DPYD: variants seen among roughly 807,000 people sequenced by gnomAD.
The protein encoded by DPYD is dihydropyrimidine dehydrogenase, also known as dihydropyrimidine dehydrogenase [NADP(+)].
DPYD carries 109 observed loss-of-function variants against 116.2 expected under a neutral mutation model. The observed-to-expected ratio is 0.94, with a 90% CI of 0.80 to 1.10. DPYD has a LOEUF of 1.10. Among genes scored for constraint, DPYD ranks in the 50% least tolerant of loss-of-function variants. The pLI is 0.00. For missense variants in DPYD, 1,302 were observed against 1,254.5 expected (o/e 1.04, Z -0.57); for synonymous variants, 440 against 432.0 (o/e 1.02, Z -0.23).
chr1:97,810,055 C>T (rs11165914), intron 3 of DPYD, among the ~76,000 whole-genome samples: 2 of 151,788 alleles, frequency 1.3e-5, no homozygotes, highest in Non-Finnish European at 2.9e-5. Context: ...GGGAGGCCGA[C>T]GCGGGTGGAT....
intron 12 of DPYD, among the ~76,000 whole-genome samples, chr1:97,516,421 T>C (rs1276853340): frequency 6.6e-6 from 1 of 152,006 alleles, no homozygotes. Flanking sequence ...TAGTTTTCAG[T>C]ATAGCAGCAG....
At chr1:97,609,697 T>C (rs757920229) in intron 8 of DPYD, among the ~76,000 whole-genome samples, 3 of 152,088 alleles carry the variant, frequency 2.0e-5, no homozygotes, top group Non-Finnish European at 4.4e-5. Flanking sequence ...TCATAAAATA[T>C]ACTTTAGGGC....
At chr1:97,170,500 A>G (rs1043073415) in intron 20 of DPYD, among the ~76,000 whole-genome samples, 6 of 152,150 alleles carry the variant, frequency 3.9e-5, no homozygotes, top group Non-Finnish European at 5.9e-5. Flanking sequence ...CCAGGCAACC[A>G]TACACATCTA....
At chr1:97,247,533 A>G (rs1200055222) in intron 18 of DPYD, among the ~76,000 whole-genome samples, 1 of 152,190 alleles carries the variant, frequency 6.6e-6, no homozygotes, top group African/African-American at 2.4e-5. Flanking sequence ...TGGATGATAA[A>G]AACTAGTAGT....
At chr1:97,803,394 T>A (rs1180729605) in intron 3 of DPYD, among the ~76,000 whole-genome samples, 1 of 151,940 alleles carries the variant, frequency 6.6e-6, no homozygotes, top group East Asian at 1.9e-4. Context: ...TATTCCTGAA[T>A]TATCATTTGT....
intron 1 of DPYD, among the ~76,000 whole-genome samples, chr1:97,902,739 ATTTC>A (rs985650500): frequency 1.3e-5 from 2 of 151,834 alleles, no homozygotes; most frequent in Non-Finnish European, 2.9e-5. Flanking sequence ...TTCTAATGAG[ATTTC>A]TTTATTATTT....
At chr1:97,342,272 C>T (rs945075529) in intron 16 of DPYD, among the ~76,000 whole-genome samples, 1 of 152,104 alleles carries the variant, frequency 6.6e-6, no homozygotes, top group Non-Finnish European at 1.5e-5. Context: ...CTCCTGTATT[C>T]TTGTAGTATT....
chr1:97,866,411 C>T (rs540499253), intron 2 of DPYD, among the ~76,000 whole-genome samples: 12 of 152,016 alleles, frequency 7.9e-5, no homozygotes, highest in African/African-American at 2.9e-4. Context: ...ATGTGAACTT[C>T]AATTTTTATA....
At chr1:97,081,717 CT>C (rs371355751) in intron 22 of DPYD, among the ~76,000 whole-genome samples, 20,251 of 136,052 alleles carry the variant, frequency 0.15, 1,413 homozygotes, top group Non-Finnish European at 0.17. Context: ...CTTTTCTTTT[CT>C]TTTTTTTTTT....
intron 14 of DPYD, among the ~76,000 whole-genome samples, chr1:97,439,772 C>A (rs567305922): frequency 6.6e-6 from 1 of 151,914 alleles, no homozygotes; most frequent in African/African-American, 2.4e-5. Context: ...GTTCAATCTG[C>A]TCTTTTTTTA....
At chr1:97,702,203 G>A (rs1440039758) in intron 5 of DPYD, among the ~76,000 whole-genome samples, 1 of 150,552 alleles carries the variant, frequency 6.6e-6, no homozygotes, top group African/African-American at 2.4e-5. Context: ...CCAAAGAAAG[G>A]TTTCACATAC....
chr1:97,796,959 C>G (rs1162439293), intron 3 of DPYD: 1 of 152,098 alleles, frequency 6.6e-6, no homozygotes, highest in African/African-American at 2.4e-5. Context: ...AAGCTTCTAT[C>G]TAAATACACA....
At chr1:97,675,207 C>T (rs1012286250) in intron 8 of DPYD, among the ~76,000 whole-genome samples, 1 of 152,016 alleles carries the variant, frequency 6.6e-6, no homozygotes, top group Non-Finnish European at 1.5e-5. Flanking sequence ...ATTTCAATAC[C>T]AAACAAAGAG....
At chr1:97,372,554 T>C (rs1474142569) in intron 16 of DPYD, among the ~76,000 whole-genome samples, 1 of 152,212 alleles carries the variant, frequency 6.6e-6, no homozygotes, top group East Asian at 1.9e-4. Context: ...TTTCTTGTTG[T>C]TACATAAAAA....
At chr1:97,454,411 T>G (rs372650293) in intron 13 of DPYD, among the ~76,000 whole-genome samples, 70 of 151,882 alleles carry the variant, frequency 4.6e-4, no homozygotes, top group African/African-American at 1.6e-3. Context: ...CTAAGTCTTA[T>G]TAGCATTGCT....
chr1:97,362,631 G>A (rs190295130), intron 16 of DPYD, among the ~76,000 whole-genome samples: 3 of 152,138 alleles, frequency 2.0e-5, no homozygotes, highest in African/African-American at 7.2e-5. Flanking sequence ...CAGAACAGAG[G>A]CCTCAGAAAT....
intron 19 of DPYD, among the ~76,000 whole-genome samples, chr1:97,214,320 C>A (rs984523424): frequency 3.3e-5 from 5 of 152,116 alleles, no homozygotes; most frequent in Non-Finnish European, 7.4e-5. Flanking sequence ...ATATAAGATT[C>A]AACTATTTAT....
chr1:97,470,697 T>C (rs1000672859), intron 13 of DPYD, among the ~76,000 whole-genome samples: 2 of 152,154 alleles, frequency 1.3e-5, no homozygotes, highest in African/African-American at 4.8e-5. Flanking sequence ...ACAAAAGAAT[T>C]ATAAGATTTC....
chr1:97,526,833 G>T (rs2811172), intron 12 of DPYD, among the ~76,000 whole-genome samples: 93,928 of 151,960 alleles, frequency 0.62, 29,162 homozygotes, highest in East Asian at 0.75. Context: ...CAGTTAAAAT[G>T]TTTTTCTATT....
Sources: allele counts gnomAD v4.1 joint callset (sites outside exome capture counted in the v4.1 genomes callset), GRCh38; gene constraint gnomAD v4.1.1; transcripts MANE v1.5; gene names NCBI Gene and HGNC (gene_info 2026-07-23, HGNC 2026-07-21).